Variants in MOV10 observed in about 807,000 individuals in gnomAD.
The protein encoded by MOV10 is RNA helicase MOV-10.
A neutral mutation model predicts 108.4 loss-of-function variants in MOV10; 39 were observed. That is an observed-to-expected ratio of 0.36 (90% CI 0.28 to 0.47). MOV10 has a LOEUF of 0.47. Ranked by LOEUF, MOV10 falls within the 20% of genes least tolerant of loss-of-function variation. The pLI, the probability that MOV10 is intolerant of heterozygous loss-of-function variation, is 1.00. For synonymous variants in MOV10, 490 were observed against 523.1 expected (o/e 0.94, Z 0.86); for missense variants, 952 against 1,297.6 (o/e 0.73, Z 4.09).
chr1:112,694,926 C>A lies in MOV10; in HGVS notation c.1620+30C>A. 1 of 1,600,480 alleles carries A rather than the reference C, an allele frequency of 6.2e-7. No individual in the cohort carries two copies. Among genetic ancestry groups the A allele is most frequent in the Non-Finnish European group, 8.5e-7 (1 of 1,170,854 alleles). ...GGTCTGAGCACAAACCTGGGGCCTG[C>A]ACTCTGATTCCCCCAGCACCAAGCA... On this transcript the variant is annotated intron_variant, in intron 10 of 20. Coordinates refer to ENST00000369645, the MANE Select transcript of MOV10 (RefSeq NM_001321324.2). The surrounding 1 kb of genome is among the most constrained non-coding windows in gnomAD (Gnocchi z 4.1).
Position 112,675,158 on chromosome 1 carries a change from C to T in MOV10, c.137+109C>T. The T allele has an allele frequency of 7.4e-7, 1 of 1,357,084 alleles. No homozygotes were observed. The highest frequency in any genetic ancestry group is 1.0e-6 in the Non-Finnish European group (1 of 1,003,170). The allele number at this position is 1,357,084 out of a possible 1,614,324, so 84.1% of individuals were successfully genotyped here. A position where few individuals can be genotyped will look rare whatever the true frequency, so the allele number is the denominator to read the frequency against. On this transcript the variant is annotated intron_variant, in intron 2 of 20. Transcript: ENST00000369645. The surrounding 1 kb of genome is among the most constrained non-coding windows in gnomAD (Gnocchi z 4.7). Reference sequence around the variant, plus strand: ...CGGGGCGCAGAGGGACGCAGCTCCCCCAGCGGCTCAGGCCAGTCCCGGGGC... The same window carrying T: ...CGGGGCGCAGAGGGACGCAGCTCCCTCAGCGGCTCAGGCCAGTCCCGGGGC...
chr1:112,699,880 C>T lies in MOV10; in HGVS notation c.2710-14C>T. The stretch of plus-strand genomic sequence containing the variant: ...GCTCTTCCCTCCCATGACCACACCA[C>T]TTCTTCCTTCCAGAGGTTCAATGTA... On this transcript the variant is annotated splice_polypyrimidine_tract_variant and intron_variant, in intron 18 of 20. Coordinates refer to ENST00000369645, the MANE Select transcript of MOV10 (RefSeq NM_001321324.2). The T allele has an allele frequency of 6.2e-7, 1 of 1,614,112 alleles. No individual in the cohort carries two copies. The highest frequency in any genetic ancestry group is 8.5e-7 in the Non-Finnish European group (1 of 1,180,000).
At chr1:112,689,227 C>G in intron 3 of MOV10, 89 bp downstream of exon 3, 2 of 1,393,332 alleles carry the variant, frequency 1.4e-6, no homozygotes, top group Non-Finnish European at 2.0e-6. Flanking sequence ...GTGGGTTACA[C>G]AAGTGGGAAT....
At chr1:112,685,619 C>G (rs1162047009) in intron 2 of MOV10, among the ~76,000 whole-genome samples, 2 of 148,328 alleles carry the variant, frequency 1.3e-5, no homozygotes, top group Non-Finnish European at 2.9e-5. Flanking sequence ...CGTGCCACTG[C>G]CCTCCAGCCT....
At position 112,700,645 on chromosome 1, in the gene MOV10, CT is replaced by C. The variant is rs1674569014; in HGVS notation, c.*139del. 3 of 1,541,512 alleles carry C rather than the reference CT, an allele frequency of 1.9e-6. No homozygotes were observed. In the African/African-American group the frequency reaches 4.1e-5, roughly 21 times the overall value. On this transcript the variant is annotated 3_prime_UTR_variant, in exon 21 of 21. Transcript: ENST00000369645. ...TTTACAACCCAAGCCATTCCACCCC[CT>C]CCCCTGCTGGGGAGAATGACACATC...
At chr1:112,681,462 C>A in intron 2 of MOV10, among the ~76,000 whole-genome samples, 1 of 152,124 alleles carries the variant, frequency 6.6e-6, no homozygotes, top group African/African-American at 2.4e-5. Context: ...CCATTGCACA[C>A]CAGCCCGGGC....
rs144650909 is a variant in MOV10, at chr1:112,696,202, A to C, written c.1834A>C (p.Lys612Gln). The C allele has an allele frequency of 3.7e-6, 6 of 1,613,908 alleles. No individual in the cohort carries two copies. The highest frequency in any genetic ancestry group is 3.3e-5 in the South Asian group (3 of 91,052). The change falls in exon 12 of 21, where the codon AAG (lysine) becomes CAG (glutamine). Residue 612 changes from lysine to glutamine, a missense_variant. Around this residue, in one of 5 missense-constraint regions of MOV10, gnomAD observed 453 missense variants for 611.5 expected, o/e 0.74. Transcript: ENST00000369645. The part of the protein sequence containing the change: ...KGEYVFPAKK[K>Q]LQEYRVLITT... ...GGAGTATGTATTTCCCGCCAAGAAG[A>C]AGCTGCAGGAATACCGGGTCTTAAT...
Position 112,675,159 on chromosome 1 carries a change from C to A in MOV10, c.137+110C>A. 1.5e-6 allele frequency: 2 copies of A among 1,328,892 alleles called. No individual in the cohort carries two copies. The highest frequency in any genetic ancestry group is 2.0e-6 in the Non-Finnish European group (2 of 979,350). 82.3% of individuals were successfully genotyped at this position (1,328,892 alleles called of 1,614,324 possible). Reference sequence around the variant, plus strand: ...GGGGCGCAGAGGGACGCAGCTCCCCCAGCGGCTCAGGCCAGTCCCGGGGCG... The same window carrying A: ...GGGGCGCAGAGGGACGCAGCTCCCCAAGCGGCTCAGGCCAGTCCCGGGGCG... On this transcript the variant is annotated intron_variant, in intron 2 of 20. Transcript: ENST00000369645. The surrounding 1 kb of genome is among the most constrained non-coding windows in gnomAD (Gnocchi z 4.7).
intron 19 of MOV10, 58 bp downstream of exon 19, chr1:112,700,040 TG>T: frequency 6.2e-7 from 1 of 1,600,920 alleles, no homozygotes; most frequent in Non-Finnish European, 8.5e-7. Flanking sequence ...CTAGGGCAGG[TG>T]GATCTTTTTT....
At chr1:112,687,066 T>A (rs1433610108) in intron 2 of MOV10, 1 of 456,322 alleles carries the variant, frequency 2.2e-6, no homozygotes, top group Non-Finnish European at 4.4e-6. Context: ...CCAACCGCAG[T>A]GGTTCTGTAA....
At position 112,696,850 on chromosome 1, in the gene MOV10, T is replaced by C. The variant is rs1405342765; in HGVS notation, c.2198+4T>C. The C allele has an allele frequency of 1.3e-6, 2 of 1,578,244 alleles. No homozygotes were observed. The highest frequency in any genetic ancestry group is 1.1e-5 in the South Asian group (1 of 87,022). On this transcript the variant is annotated splice_donor_region_variant and intron_variant, in intron 14 of 20. Coordinates refer to ENST00000369645, the MANE Select transcript of MOV10 (RefSeq NM_001321324.2). ...CCAAGCTGCTCCGCAACTACAGGTATTCCCATGCCCTTGCCTCCCCTGCCA... is the reference window on the plus strand; with the variant it reads ...CCAAGCTGCTCCGCAACTACAGGTACTCCCATGCCCTTGCCTCCCCTGCCA...
Position 112,689,399 on chromosome 1 carries a change from CT to C in MOV10, c.342-15del. On this transcript the variant is annotated splice_polypyrimidine_tract_variant and intron_variant, in intron 3 of 20. Transcript: ENST00000369645. ...CGCTCCCACCCCAACCCCCCCTTGA[CT>C]CCCCTTCTCCCCAGGGCTGAGTATC... is the stretch of plus-strand genomic sequence containing the variant. The C allele has an allele frequency of 6.5e-6, 4 of 617,838 alleles. No homozygotes were observed. The highest frequency in any genetic ancestry group is 1.9e-5 in the African/African-American group (1 of 52,722). The allele number at this position is 617,838 out of a possible 1,614,324, so 38.3% of individuals were successfully genotyped here. A position where few individuals can be genotyped will look rare whatever the true frequency, so the allele number is the denominator to read the frequency against.
At chr1:112,685,396 C>A (rs186939120) in intron 2 of MOV10, among the ~76,000 whole-genome samples, 6 of 152,028 alleles carry the variant, frequency 3.9e-5, no homozygotes, top group Admixed American at 3.9e-4. Context: ...GTGGCTCACA[C>A]CTGTAATCCC....
intron 15 of MOV10, 65 bp downstream of exon 15, chr1:112,698,176 C>T: frequency 1.3e-6 from 2 of 1,592,940 alleles, no homozygotes. Flanking sequence ...AGGTGCAGCC[C>T]CTCCCTTTGT....
chr1:112,699,027 G>C, intron 17 of MOV10: 1 of 537,818 alleles, frequency 1.9e-6, no homozygotes, highest in Non-Finnish European at 3.3e-6. Context: ...GACTGAGGCA[G>C]GTTTGAGGCC....
intron 14 of MOV10, chr1:112,697,742 C>T (rs1436033773): frequency 7.5e-6 from 3 of 399,628 alleles, no homozygotes; most frequent in African/African-American, 2.0e-5. Flanking sequence ...AAAATGGGCC[C>T]CTAATTATTT....
At chr1:112,676,990 T>G (rs1672244802) in intron 2 of MOV10, among the ~76,000 whole-genome samples, 1 of 152,198 alleles carries the variant, frequency 6.6e-6, no homozygotes, top group African/African-American at 2.4e-5. Context: ...AGATATACTG[T>G]ATATTATGGG....
At chr1:112,693,754 T>C (rs1673809799) in intron 7 of MOV10, 1 of 279,868 alleles carries the variant, frequency 3.6e-6, no homozygotes, top group African/African-American at 2.1e-5. Context: ...GGAACTGAGC[T>C]GGCCAAGAGG....
chr1:112,695,473 GC>G lies in MOV10; in HGVS notation c.1679del (p.Ala560ValfsTer60). 6.2e-7 allele frequency: 1 copy of G among 1,614,206 alleles called. No homozygotes were observed. Among genetic ancestry groups the G allele is most frequent in the East Asian group, 2.2e-5 (1 of 44,878 alleles). On this transcript the variant is annotated frameshift_variant, in exon 11 of 21. Coordinates refer to ENST00000369645, the MANE Select transcript of MOV10 (RefSeq NM_001321324.2). LOFTEE classifies it high-confidence loss of function. ...GGCCTGCGCTCCATCCAACTCAGGG[GC>G]TGACCTACTCTGTCAAAGGCTCCGG... ...ILACAPSNSG[A>X]DLLCQRLRVH...
Sources: allele counts gnomAD v4.1 joint callset (sites outside exome capture counted in the v4.1 genomes callset), GRCh38; gene constraint gnomAD v4.1.1; regional missense constraint gnomAD v4.1.1; non-coding constraint Gnocchi (gnomAD v3.1); transcripts MANE v1.5; gene names NCBI Gene and HGNC (gene_info 2026-07-23, HGNC 2026-07-21).